Variants in C12orf42 observed in about 807,000 individuals in gnomAD.
C12orf42 encodes uncharacterized protein C12orf42.
A neutral mutation model predicts 21.6 loss-of-function variants in C12orf42; 25 were observed. The ratio of observed to expected loss-of-function variants is 1.16; its 90% CI spans 0.84 to 1.62. C12orf42 has a LOEUF of 1.62. Ranked by LOEUF, C12orf42 falls within the 40% of genes most tolerant of loss-of-function variation. C12orf42 has a pLI of 0.00. For synonymous variants in C12orf42, 174 were observed against 175.0 expected (o/e 0.99, Z 0.05); for missense variants, 483 against 459.3 (o/e 1.05, Z -0.47).
chr12:103,448,374 T>G (rs766137986), intron 2 of C12orf42, among the ~76,000 whole-genome samples: 1 of 152,070 alleles, frequency 6.6e-6, no homozygotes, highest in Non-Finnish European at 1.5e-5. Context: ...CTTCTAGACA[T>G]TGGCTTAGAC....
chr12:103,154,955 A>G, the C12orf42 span, among the ~76,000 whole-genome samples: 1 of 152,126 alleles, frequency 6.6e-6, no homozygotes, highest in African/African-American at 2.4e-5. Flanking sequence ...TACCATTACT[A>G]CTTGAAAAAT....
chr12:103,501,191 A>C, the C12orf42 span, among the ~76,000 whole-genome samples: 546 of 152,338 alleles, frequency 3.6e-3, 6 homozygotes, highest in African/African-American at 0.012. Flanking sequence ...AAGGCATGGG[A>C]GGGAGATACC....
At chr12:103,358,957 T>C (rs775097530) in intron 4 of C12orf42, among the ~76,000 whole-genome samples, 3 of 152,140 alleles carry the variant, frequency 2.0e-5, no homozygotes, top group Non-Finnish European at 4.4e-5. Flanking sequence ...CTCCCCATTG[T>C]AACCTAGAAA....
At chr12:103,368,641 G>A (rs2044859988) in intron 4 of C12orf42, among the ~76,000 whole-genome samples, 1 of 152,072 alleles carries the variant, frequency 6.6e-6, no homozygotes, top group African/African-American at 2.4e-5. Context: ...ACTTAGTGAA[G>A]ACAACGGGGA....
chr12:103,531,570 C>G, the C12orf42 span, among the ~76,000 whole-genome samples: 1 of 152,200 alleles, frequency 6.6e-6, no homozygotes, highest in Non-Finnish European at 1.5e-5. Flanking sequence ...TTCCTCCCAG[C>G]TCATGATTTC....
the C12orf42 span, among the ~76,000 whole-genome samples, chr12:103,050,011 C>T: frequency 6.6e-6 from 1 of 152,042 alleles, no homozygotes; most frequent in Non-Finnish European, 1.5e-5. Flanking sequence ...TATCTGTTGC[C>T]CCCCGCTAAG....
chr12:103,126,357 A>G, the C12orf42 span, among the ~76,000 whole-genome samples: 1 of 152,234 alleles, frequency 6.6e-6, no homozygotes, highest in East Asian at 1.9e-4. Flanking sequence ...GAAAGATTTG[A>G]AAGTCCATTA....
At chr12:103,090,110 T>G in the C12orf42 span, among the ~76,000 whole-genome samples, 40 of 152,222 alleles carry the variant, frequency 2.6e-4, no homozygotes, top group Non-Finnish European at 4.6e-4. Flanking sequence ...CAATTAAATT[T>G]TTCTTGCTAA....
At chr12:103,149,715 C>T in the C12orf42 span, among the ~76,000 whole-genome samples, 5 of 152,172 alleles carry the variant, frequency 3.3e-5, no homozygotes, top group African/African-American at 1.2e-4. Context: ...CTCCCCTTTG[C>T]TTTCTGCCAT....
At chr12:103,193,981 C>T in the C12orf42 span, among the ~76,000 whole-genome samples, 4 of 152,066 alleles carry the variant, frequency 2.6e-5, 1 homozygote, top group East Asian at 7.7e-4. Context: ...TACACCATGA[C>T]CAAGTAAGAT....
At chr12:103,089,898 A>G in the C12orf42 span, among the ~76,000 whole-genome samples, 1 of 152,206 alleles carries the variant, frequency 6.6e-6, no homozygotes, top group African/African-American at 2.4e-5. Context: ...ATTGAAAGAC[A>G]GTTACCTGGA....
the C12orf42 span, among the ~76,000 whole-genome samples, chr12:103,095,118 T>A: frequency 6.6e-6 from 1 of 152,180 alleles, no homozygotes; most frequent in Non-Finnish European, 1.5e-5. Flanking sequence ...CCACCAACTA[T>A]CACCTGGATT....
chr12:103,384,272 G>A (rs1318915717), intron 3 of C12orf42, among the ~76,000 whole-genome samples: 1 of 152,044 alleles, frequency 6.6e-6, no homozygotes, highest in Non-Finnish European at 1.5e-5. Flanking sequence ...AAAGTGGGGG[G>A]TGCTCCTGAC....
the C12orf42 span, among the ~76,000 whole-genome samples, chr12:103,067,303 G>T: frequency 1.3e-5 from 2 of 152,156 alleles, no homozygotes; most frequent in South Asian, 2.1e-4. Context: ...ACATAGCATT[G>T]CCCCTGACCA....
intron 2 of C12orf42, chr12:103,477,985 G>A (rs1954185323): frequency 1.1e-5 from 2 of 188,160 alleles, no homozygotes; most frequent in Non-Finnish European, 2.2e-5. Context: ...TAAAAGCCCA[G>A]GCTTGTGCAA....
the C12orf42 span, among the ~76,000 whole-genome samples, chr12:103,216,858 T>G: frequency 6.6e-6 from 1 of 151,936 alleles, no homozygotes; most frequent in Non-Finnish European, 1.5e-5. Flanking sequence ...TCTTTCTTTT[T>G]TTGAGATGGA....
At chr12:103,496,481 T>G (rs577639286), upstream of C12orf42, among the ~76,000 whole-genome samples, 9 of 152,218 alleles carry the variant, frequency 5.9e-5, no homozygotes, top group Admixed American at 1.3e-4. Flanking sequence ...CTCTTCCTCA[T>G]CTCTATCCCA....
chr12:103,224,627 G>A, the C12orf42 span, among the ~76,000 whole-genome samples: 1 of 152,222 alleles, frequency 6.6e-6, no homozygotes, highest in African/African-American at 2.4e-5. Flanking sequence ...ACAGCTGAAG[G>A]AGCCGGGGAG....
intron 2 of C12orf42, among the ~76,000 whole-genome samples, chr12:103,407,996 T>C (rs1297911045): frequency 6.6e-6 from 1 of 152,178 alleles, no homozygotes; most frequent in African/African-American, 2.4e-5. Flanking sequence ...ATCATTATCA[T>C]CATCATAGTA....
Sources: allele counts gnomAD v4.1 joint callset (sites outside exome capture counted in the v4.1 genomes callset), GRCh38; gene constraint gnomAD v4.1.1; transcripts MANE v1.5; gene names NCBI Gene and HGNC (gene_info 2026-07-23, HGNC 2026-07-21).